Variants in EYS observed in about 807,000 individuals in gnomAD.
The protein encoded by EYS is EGF-like photoreceptor maintenance factor, also known as protein eyes shut homolog.
In EYS, 250 loss-of-function variants were observed where a neutral mutation model predicts 282.1. The observed-to-expected ratio is 0.89, with a 90% CI of 0.80 to 0.98. The LOEUF is 0.98. EYS is among the 50% of genes least tolerant of loss of function. The pLI, the probability that EYS is intolerant of heterozygous loss-of-function variation, is 0.00. For missense variants in EYS, 4,016 were observed against 3,709.0 expected (o/e 1.08, Z -2.15); for synonymous variants, 1,355 against 1,282.9 (o/e 1.06, Z -1.20).
At chr6:64,491,586 G>T (rs192413169) in intron 26 of EYS, among the ~76,000 whole-genome samples, 2 of 150,648 alleles carry the variant, frequency 1.3e-5, no homozygotes, top group African/African-American at 4.8e-5. Context: ...CACTTTTTAC[G>T]GTCTCAACTT....
At position 64,312,205 on chromosome 6, in the gene EYS, G is replaced by A. The variant is rs144069101; in HGVS notation, c.6079-5123C>T. 8.7e-3 allele frequency among the ~76,000 whole-genome samples: 1,321 copies of A among 152,012 alleles called. 26 individuals are homozygous for A. The highest frequency in any genetic ancestry group is 0.029 in the African/African-American group (1,201 of 41,462). On this transcript the variant is annotated intron_variant, in intron 29 of 42. Coordinates refer to ENST00000503581, the MANE Select transcript of EYS (RefSeq NM_001142800.2). ...CGAGCTTGGTGGGGGGAGGGGCTTC[G>A]GCCATTACTGAGGCTTGAGTAGGTG...
At chr6:65,157,257 A>G (rs1764750085) in intron 12 of EYS, among the ~76,000 whole-genome samples, 2 of 151,010 alleles carry the variant, frequency 1.3e-5, no homozygotes, top group African/African-American at 4.8e-5. Context: ...AAATAATTAT[A>G]ACAACTTGGA....
chr6:64,757,183 G>C (rs139489190), intron 22 of EYS, among the ~76,000 whole-genome samples: 1 of 152,210 alleles, frequency 6.6e-6, no homozygotes, highest in Non-Finnish European at 1.5e-5. Context: ...GTTATGACCT[G>C]ATGTTTTTTG....
chr6:65,659,874 T>C (rs768363999), intron 1 of EYS, among the ~76,000 whole-genome samples: 1 of 151,842 alleles, frequency 6.6e-6, no homozygotes, highest in African/African-American at 2.4e-5. Flanking sequence ...CACAAGGTTA[T>C]GGCTAATCAA....
chr6:65,655,886 A>G (rs752136142), intron 1 of EYS, among the ~76,000 whole-genome samples: 54 of 151,914 alleles, frequency 3.6e-4, no homozygotes, highest in Non-Finnish European at 6.5e-4. Flanking sequence ...TTGAGAAAGC[A>G]GTGGCAGGGT....
intron 2 of EYS, among the ~76,000 whole-genome samples, chr6:65,628,224 A>G (rs566961897): frequency 6.6e-6 from 1 of 152,298 alleles, no homozygotes; most frequent in African/African-American, 2.4e-5. Flanking sequence ...TGAGTGCACC[A>G]ATCGACACTC....
At chr6:64,499,496 T>G (rs774045349) in intron 26 of EYS, among the ~76,000 whole-genome samples, 10 of 152,312 alleles carry the variant, frequency 6.6e-5, no homozygotes, top group Non-Finnish European at 1.5e-4. Context: ...ATGGCATGCC[T>G]GTGCAATTGA....
chr6:64,479,908 T>C (rs562684679), intron 26 of EYS, among the ~76,000 whole-genome samples: 2 of 152,014 alleles, frequency 1.3e-5, no homozygotes, highest in East Asian at 1.9e-4. Flanking sequence ...TCTGAAAATA[T>C]TGGAGCAACA....
chr6:64,634,136 A>G (rs7770025), intron 22 of EYS, among the ~76,000 whole-genome samples: 4 of 152,138 alleles, frequency 2.6e-5, no homozygotes, highest in African/African-American at 9.7e-5. Context: ...GGTGTGCGCC[A>G]CCAAGCCCAG....
chr6:64,934,023 T>C (rs909199933), intron 15 of EYS, among the ~76,000 whole-genome samples: 1 of 151,742 alleles, frequency 6.6e-6, no homozygotes, highest in African/African-American at 2.4e-5. Flanking sequence ...ATACCTAATG[T>C]AAATGATGGG....
Position 65,087,675 on chromosome 6 carries a change from A to G in EYS, c.2024-29948T>C, listed in dbSNP as rs914800899. Among the ~76,000 whole-genome samples the G allele has an allele frequency of 3.3e-5, 5 of 152,234 alleles. No homozygotes were observed. The East Asian group carries it at 7.7e-4, about 24-fold the overall frequency. On this transcript the variant is annotated intron_variant, in intron 12 of 42. Transcript: ENST00000503581. The stretch of plus-strand genomic sequence containing the variant: ...GGCCAGAATACACACTAAACCCCTC[A>G]TGTCTATTAAGTGAGTACTAGGCAC...
Position 64,427,711 on chromosome 6 carries a change from C to G in EYS, c.5927+8463G>C, listed in dbSNP as rs920435661. ...TTGATTCTGAAGTCATCTAAATGAA[C>G]ATAGAATGAGAAAGCACATGAAAGC... is the stretch of plus-strand genomic sequence containing the variant. On this transcript the variant is annotated intron_variant, in intron 28 of 42. Coordinates refer to ENST00000503581, the MANE Select transcript of EYS (RefSeq NM_001142800.2). Among the ~76,000 whole-genome samples, 5 of 152,104 alleles carry G rather than the reference C, an allele frequency of 3.3e-5. No homozygotes were observed. The South Asian group carries it at 1.0e-3, about 32-fold the overall frequency.
intron 12 of EYS, among the ~76,000 whole-genome samples, chr6:65,164,772 C>T (rs532633034): frequency 6.6e-6 from 1 of 151,328 alleles, no homozygotes; most frequent in East Asian, 2.0e-4. Flanking sequence ...GTCGGTTTCA[C>T]GGTTCTCCTA....
chr6:65,598,072 A>G (rs1229209495), intron 2 of EYS, among the ~76,000 whole-genome samples: 1 of 151,854 alleles, frequency 6.6e-6, no homozygotes, highest in Non-Finnish European at 1.5e-5. Flanking sequence ...TGCACTCTAA[A>G]CCTGGCAACA....
intron 2 of EYS, among the ~76,000 whole-genome samples, chr6:65,599,964 A>G (rs899059942): frequency 1.3e-5 from 2 of 152,040 alleles, no homozygotes; most frequent in Admixed American, 1.3e-4. Context: ...TCTGCTAGTG[A>G]TCACTGCTGA....
intron 7 of EYS, among the ~76,000 whole-genome samples, chr6:65,397,899 T>C (rs1437362886): frequency 6.6e-6 from 1 of 152,054 alleles, no homozygotes; most frequent in Non-Finnish European, 1.5e-5. Flanking sequence ...CCCTTCTCTC[T>C]GCATCCTTGC....
intron 26 of EYS, among the ~76,000 whole-genome samples, chr6:64,483,669 C>T (rs1021247680): frequency 2.0e-5 from 3 of 151,570 alleles, no homozygotes; most frequent in Non-Finnish European, 3.0e-5. Flanking sequence ...GTGCCAATAA[C>T]CAGGTAAGTC....
intron 5 of EYS, among the ~76,000 whole-genome samples, chr6:65,443,981 A>G (rs1410580488): frequency 6.6e-6 from 1 of 151,850 alleles, no homozygotes; most frequent in Non-Finnish European, 1.5e-5. Flanking sequence ...AGTAATAATA[A>G]TAGTAATAAT....
intron 12 of EYS, among the ~76,000 whole-genome samples, chr6:65,207,827 A>G (rs1024860253): frequency 1.3e-5 from 2 of 151,688 alleles, no homozygotes; most frequent in African/African-American, 4.8e-5. Context: ...TAGTCTACGT[A>G]TAACAATGAA....
Sources: gnomAD v4.1 joint callset for allele counts (sites outside exome capture counted in the v4.1 genomes callset) on GRCh38, gnomAD v4.1.1 for gene constraint, MANE v1.5 for transcripts, NCBI Gene and HGNC (gene_info 2026-07-23, HGNC 2026-07-21) for gene names.